NECAP1: variants seen among roughly 807,000 people sequenced by gnomAD.
The protein encoded by NECAP1 is NECAP endocytosis associated 1.
NECAP1 carries 13 observed loss-of-function variants against 33.4 expected under a neutral mutation model. The ratio of observed to expected loss-of-function variants is 0.39; its 90% confidence interval spans 0.25 to 0.62. NECAP1 has a LOEUF of 0.62. NECAP1 is among the 20% of genes least tolerant of loss of function. The pLI is 0.52. For missense variants in NECAP1, 272 were observed against 347.4 expected (o/e 0.78, Z 1.73); for synonymous variants, 109 against 125.2 (o/e 0.87, Z 0.86).
chr12:8,088,118 T>A (rs1390547686), intron 1 of NECAP1, among the ~76,000 whole-genome samples: 1 of 152,208 alleles, frequency 6.6e-6, no homozygotes, highest in Non-Finnish European at 1.5e-5. Context: ...ATAAATAATC[T>A]TAGTTGTTGT....
intron 1 of NECAP1, chr12:8,082,710 C>T: frequency 3.3e-6 from 1 of 303,692 alleles, no homozygotes. Flanking sequence ...TGCCAGTCCC[C>T]TTTCATTCGC....
intron 1 of NECAP1, chr12:8,082,788 AC>A (rs1947453539): frequency 1.1e-5 from 1 of 91,688 alleles, no homozygotes; most frequent in Non-Finnish European, 2.6e-5. Context: ...ACACACACAC[AC>A]ACACACACAC....
At chr12:8,085,671 C>T (rs2120461707) in intron 1 of NECAP1, among the ~76,000 whole-genome samples, 1 of 146,758 alleles carries the variant, frequency 6.8e-6, no homozygotes, top group South Asian at 2.2e-4. Flanking sequence ...TTGTAGGATC[C>T]TCTCACTTAA....
chr12:8,091,713 G>T, intron 3 of NECAP1, 56 bp from the exon 4 acceptor site: 1 of 1,519,430 alleles, frequency 6.6e-7, no homozygotes, highest in Non-Finnish European at 9.1e-7. Flanking sequence ...GCCGGGGGTT[G>T]GGGGCTCCTG....
chr12:8,087,977 G>A (rs1002750227), intron 1 of NECAP1, among the ~76,000 whole-genome samples: 2 of 152,054 alleles, frequency 1.3e-5, no homozygotes, highest in African/African-American at 2.4e-5. Flanking sequence ...CCTTGTGGTT[G>A]CTTTTTTAGT....
Position 8,097,402 on chromosome 12 carries a change from C to T in NECAP1, c.*1312C>T, listed in dbSNP as rs1019317986. 3.9e-5 allele frequency: 6 copies of T among 152,566 alleles called. No homozygotes were observed. The highest frequency in any genetic ancestry group is 8.8e-5 in the Non-Finnish European group (6 of 68,018). The allele number at this position is 152,566 out of a possible 1,614,324, so 9.5% of individuals were successfully genotyped here. On this transcript the variant is annotated 3_prime_UTR_variant, in exon 8 of 8. Coordinates refer to ENST00000339754, the MANE Select transcript of NECAP1 (RefSeq NM_015509.4). Reference sequence around the variant, plus strand: ...ACCTATTGGGTATGTACACTCTGGCCGAAGGGAGTCCTTATGTTTAGTTTC... The same window carrying T: ...ACCTATTGGGTATGTACACTCTGGCTGAAGGGAGTCCTTATGTTTAGTTTC...
chr12:8,090,028 A>T lies in NECAP1; in HGVS notation c.188A>T (p.Lys63Ile). 3 of 1,613,636 alleles carry T rather than the reference A, an allele frequency of 1.9e-6. No homozygotes were observed. Among genetic ancestry groups the T allele is most frequent in the Non-Finnish European group, 2.5e-6 (3 of 1,179,548 alleles). Residue 63 changes from lysine (K) to isoleucine (I), a missense_variant, in exon 2 of 8, where the codon AAA (lysine) becomes ATA (isoleucine). Coordinates refer to ENST00000339754, the MANE Select transcript of NECAP1 (RefSeq NM_015509.4). ...ACTGCCTATATCAAACTCGAGGATAAAGTTTCAGGTAATCTTTGCGGGTGA... is the reference window on the plus strand; with the variant it reads ...ACTGCCTATATCAAACTCGAGGATATAGTTTCAGGTAATCTTTGCGGGTGA... ...GKTAYIKLED[K>I]VSGELFAQAP...
At chr12:8,083,917 T>G (rs944478681) in intron 1 of NECAP1, among the ~76,000 whole-genome samples, 1 of 151,870 alleles carries the variant, frequency 6.6e-6, no homozygotes, top group Non-Finnish European at 1.5e-5. Context: ...ATTTTTAAAT[T>G]TTTTTGTGTA....
chr12:8,086,960 C>CAT (rs1491196874), intron 1 of NECAP1, among the ~76,000 whole-genome samples: 1 of 146,074 alleles, frequency 6.8e-6, no homozygotes, highest in African/African-American at 2.5e-5. Flanking sequence ...CACACACACA[C>CAT]AAATAAATAA....
chr12:8,083,959 C>T (rs1184492438), intron 1 of NECAP1, among the ~76,000 whole-genome samples: 1 of 151,974 alleles, frequency 6.6e-6, no homozygotes, highest in Non-Finnish European at 1.5e-5. Context: ...CCAGGCTGGT[C>T]TCGAACTCCT....
At chr12:8,093,121 T>G in intron 6 of NECAP1, 66 bp downstream of exon 6, 5 of 1,485,442 alleles carry the variant, frequency 3.4e-6, no homozygotes, top group Non-Finnish European at 4.7e-6. Flanking sequence ...CACCTGTTTG[T>G]CAAGGAGAGT....
chr12:8,092,636 A>G, intron 4 of NECAP1, 40 bp from the exon 5 acceptor site: 1 of 1,502,144 alleles, frequency 6.7e-7, no homozygotes, highest in African/African-American at 1.4e-5. Context: ...CTCTGCTTTC[A>G]GGAAATCTCA....
At chr12:8,092,057 AGATCCCTT>A in intron 4 of NECAP1, 1 of 558,608 alleles carries the variant, frequency 1.8e-6, no homozygotes, top group Non-Finnish European at 3.2e-6. Context: ...AATATATTTC[AGATCCCTT>A]GTGCAGTAGT....
intron 1 of NECAP1, chr12:8,089,452 G>C (rs1047653199): frequency 3.9e-5 from 6 of 154,830 alleles, no homozygotes; most frequent in African/African-American, 1.2e-4. Flanking sequence ...GCTCACTGCA[G>C]CCTCCACCTC....
At chr12:8,084,810 A>G (rs1417414753) in intron 1 of NECAP1, among the ~76,000 whole-genome samples, 1 of 152,136 alleles carries the variant, frequency 6.6e-6, no homozygotes, top group Non-Finnish European at 1.5e-5. Flanking sequence ...TTATATTCCC[A>G]GGGTCTAGCA....
rs111859734 is a variant in NECAP1 at position 8,085,308 on chromosome 12, G to C, written c.95+2925G>C. Among the ~76,000 whole-genome samples the C allele has an allele frequency of 2.4e-3, 372 of 152,174 alleles. 1 individual carries two copies. The highest frequency in any genetic ancestry group is 7.5e-3 in the African/African-American group (313 of 41,552). Reference sequence around the variant, plus strand: ...GCTGGGATTACAGGCGTGAGCCACCGCACCCGGCCTACTTCAAGCTTTTTA... The same window carrying C: ...GCTGGGATTACAGGCGTGAGCCACCCCACCCGGCCTACTTCAAGCTTTTTA... On this transcript the variant is annotated intron_variant, in intron 1 of 7. Coordinates refer to ENST00000339754, the MANE Select transcript of NECAP1 (RefSeq NM_015509.4).
chr12:8,092,208 T>G, intron 4 of NECAP1: 1 of 316,426 alleles, frequency 3.2e-6, no homozygotes, highest in South Asian at 3.0e-5. Flanking sequence ...TTTGTGACTT[T>G]TGCAACATTT....
chr12:8,095,235 A>ATTTTTTTTTTT, intron 6 of NECAP1: 1 of 112,354 alleles, frequency 8.9e-6, no homozygotes, highest in Non-Finnish European at 1.7e-5. Context: ...CATCTCCAAG[A>ATTTTTTTTTTT]TTTTTTTTTT....
In NECAP1 at chr12:8,096,644, C is replaced by T. The variant is rs1434796750; in HGVS notation, c.*554C>T. The T allele has an allele frequency of 6.5e-6, 1 of 152,820 alleles. No individual in the cohort carries two copies. Among genetic ancestry groups the T allele is most frequent in the Admixed American group, 6.5e-5 (1 of 15,300 alleles). 9.5% of individuals were successfully genotyped at this position (152,820 alleles called of 1,614,324 possible). On this transcript the variant is annotated 3_prime_UTR_variant, in exon 8 of 8. Coordinates refer to ENST00000339754, the MANE Select transcript of NECAP1 (RefSeq NM_015509.4). The stretch of plus-strand genomic sequence containing the variant: ...ATTTCCTGGGTCTCTGCTGTGTAGT[C>T]TCCTTCAGGCTTATTGTGCTCAGTG...
Sources: allele counts gnomAD v4.1 joint callset (sites outside exome capture counted in the v4.1 genomes callset), GRCh38; gene constraint gnomAD v4.1.1; transcripts MANE v1.5; gene names NCBI Gene and HGNC (gene_info 2026-07-23, HGNC 2026-07-21).